The following RAD51B variants were observed in gnomAD, a reference collection of about 807,000 sequenced individuals.
The protein encoded by RAD51B is RAD51 paralog B.
RAD51B carries 38 observed loss-of-function variants against 42.2 expected under a neutral mutation model. That is an observed-to-expected ratio of 0.90 (90% CI 0.70 to 1.18). RAD51B has a LOEUF of 1.18. RAD51B is among the 50% of genes most tolerant of loss of function. The pLI, the probability that RAD51B is intolerant of heterozygous loss-of-function variation, is 0.00. For missense variants in RAD51B, 373 were observed against 400.7 expected, an observed-to-expected ratio of 0.93 and a Z score of 0.59; for synonymous variants, 154 against 145.2, an observed-to-expected ratio of 1.06 and a Z score of -0.43.
chr14:67,865,655 C>G (rs1481427910), intron 5 of RAD51B, among the ~76,000 whole-genome samples: 1 of 150,404 alleles, frequency 6.6e-6, no homozygotes, highest in Admixed American at 6.7e-5. Flanking sequence ...TCTCCTGTCT[C>G]AGCCTCCTGA....
At chr14:68,427,514 G>A (rs1368069466) in intron 9 of RAD51B, among the ~76,000 whole-genome samples, 1 of 152,220 alleles carries the variant, frequency 6.6e-6, no homozygotes, top group Non-Finnish European at 1.5e-5. Context: ...TGTTTTCCCT[G>A]TTGAGTTTTG....
At chr14:68,621,690 G>A (rs1891952148) in intron 10 of RAD51B, among the ~76,000 whole-genome samples, 1 of 152,168 alleles carries the variant, frequency 6.6e-6, no homozygotes, top group Admixed American at 6.5e-5. Flanking sequence ...TTCTCCTACG[G>A]GAGAAAAAAA....
chr14:68,300,668 C>T (rs577011810), intron 8 of RAD51B, among the ~76,000 whole-genome samples: 110 of 152,322 alleles, frequency 7.2e-4, no homozygotes, highest in Non-Finnish European at 1.1e-3. Context: ...CAATAATCAG[C>T]CTTTGAATTT....
chr14:68,615,224 T>C (rs1420574186), downstream of RAD51B, among the ~76,000 whole-genome samples: 2 of 152,254 alleles, frequency 1.3e-5, no homozygotes, highest in Non-Finnish European at 2.9e-5. Flanking sequence ...GAAATGTATA[T>C]ATTCAAACTA....
At chr14:68,321,746 A>T (rs892758512) in intron 8 of RAD51B, among the ~76,000 whole-genome samples, 3 of 152,194 alleles carry the variant, frequency 2.0e-5, no homozygotes, top group South Asian at 2.1e-4. Context: ...TAAATTTTTT[A>T]AAATTAATGT....
chr14:68,074,116 T>C (rs1450642636), intron 7 of RAD51B, among the ~76,000 whole-genome samples: 2 of 152,224 alleles, frequency 1.3e-5, no homozygotes, highest in African/African-American at 4.8e-5. Flanking sequence ...TTCTCAAATA[T>C]GTTTTTCAAG....
chr14:67,861,661 TGAC>T (rs1390350227), intron 4 of RAD51B, among the ~76,000 whole-genome samples: 1 of 152,010 alleles, frequency 6.6e-6, no homozygotes, highest in African/African-American at 2.4e-5. Flanking sequence ...CTTTTTTGTA[TGAC>T]AAGTGACTAT....
intron 8 of RAD51B, among the ~76,000 whole-genome samples, chr14:68,346,929 A>T (rs1015204434): frequency 1.3e-5 from 2 of 151,898 alleles, no homozygotes; most frequent in Non-Finnish European, 2.9e-5. Context: ...CCTATAATTT[A>T]TCCCTTCCCC....
intron 8 of RAD51B, among the ~76,000 whole-genome samples, chr14:68,357,415 G>C (rs931603018): frequency 2.6e-5 from 4 of 151,946 alleles, no homozygotes; most frequent in Non-Finnish European, 5.9e-5. Flanking sequence ...ATGAAGGTTA[G>C]AATCTTATTC....
intron 8 of RAD51B, among the ~76,000 whole-genome samples, chr14:68,310,333 CA>C (rs941697884): frequency 4.6e-5 from 7 of 152,194 alleles, no homozygotes; most frequent in Non-Finnish European, 1.0e-4. Flanking sequence ...CTTAGGCATC[CA>C]AACCTGATTT....
chr14:68,260,410 AAG>A (rs1015796405), intron 7 of RAD51B, among the ~76,000 whole-genome samples: 2 of 150,894 alleles, frequency 1.3e-5, no homozygotes, highest in Non-Finnish European at 3.0e-5. Context: ...GGAGATTAAC[AAG>A]AGAAAAGCAT....
intron 7 of RAD51B, among the ~76,000 whole-genome samples, chr14:68,076,679 C>G (rs2076838918): frequency 6.6e-6 from 1 of 152,112 alleles, no homozygotes; most frequent in Non-Finnish European, 1.5e-5. Context: ...AACTAACACA[C>G]CCAAGGACCT....
chr14:68,087,931 T>A (rs1414339018), intron 7 of RAD51B, among the ~76,000 whole-genome samples: 4 of 116,516 alleles, frequency 3.4e-5, no homozygotes, highest in Admixed American at 3.1e-4. Flanking sequence ...TATATATAAT[T>A]ATATAATTTA....
intron 10 of RAD51B, among the ~76,000 whole-genome samples, chr14:68,547,489 G>T (rs917792513): frequency 7.9e-5 from 12 of 152,226 alleles, no homozygotes; most frequent in Non-Finnish European, 1.6e-4. Flanking sequence ...TGCTCTGGCT[G>T]AAGGAAGGAG....
intron 7 of RAD51B, among the ~76,000 whole-genome samples, chr14:68,077,949 A>G (rs10137233): frequency 0.26 from 39,329 of 152,140 alleles, 6,579 homozygotes; most frequent in African/African-American, 0.48. Flanking sequence ...GTCAGACTCC[A>G]TCTCAAAAAT....
intron 7 of RAD51B, among the ~76,000 whole-genome samples, chr14:68,067,049 C>A (rs1002532402): frequency 6.6e-6 from 1 of 152,106 alleles, no homozygotes; most frequent in Non-Finnish European, 1.5e-5. Context: ...GAAGGGCAAA[C>A]TCATTCAGCA....
intron 7 of RAD51B, among the ~76,000 whole-genome samples, chr14:68,157,648 C>T (rs1311369569): frequency 1.3e-5 from 2 of 152,200 alleles, no homozygotes; most frequent in East Asian, 3.8e-4. Flanking sequence ...TATTGTAATT[C>T]TGTTTTCTGT....
At chr14:68,256,575 G>A (rs2080757910) in intron 7 of RAD51B, among the ~76,000 whole-genome samples, 1 of 152,158 alleles carries the variant, frequency 6.6e-6, no homozygotes. Flanking sequence ...GAGGCCTGAA[G>A]TCACACTGCT....
At chr14:68,255,289 A>G (rs1452739299) in intron 7 of RAD51B, among the ~76,000 whole-genome samples, 2 of 152,248 alleles carry the variant, frequency 1.3e-5, no homozygotes, top group East Asian at 3.8e-4. Flanking sequence ...AGAGTTAATA[A>G]TATCAACAAG....
Sources: gnomAD v4.1 joint callset for allele counts (sites outside exome capture counted in the v4.1 genomes callset) on GRCh38, gnomAD v4.1.1 for gene constraint, MANE v1.5 for transcripts, NCBI Gene and HGNC (gene_info 2026-07-23, HGNC 2026-07-21) for gene names.